Variants in ICA1L observed in about 807,000 individuals in gnomAD.
ICA1L encodes the protein islet cell autoantigen 1 like.
A neutral mutation model predicts 61.3 loss-of-function variants in ICA1L; 50 were observed. The observed-to-expected ratio is 0.82, with a 90% CI of 0.65 to 1.03. ICA1L has a LOEUF of 1.03. Ranked by LOEUF, ICA1L falls within the 50% of genes least tolerant of loss-of-function variation. The probability of loss-of-function intolerance (pLI) is 0.00; values close to 1 mark genes in which losing one functional copy is unlikely to be tolerated. For synonymous variants in ICA1L, 161 were observed against 191.3 expected (o/e 0.84, Z 1.31); for missense variants, 508 against 556.7 (o/e 0.91, Z 0.88).
At chr2:202,854,548 G>T (rs1694720951) in intron 1 of ICA1L, among the ~76,000 whole-genome samples, 1 of 152,146 alleles carries the variant, frequency 6.6e-6, no homozygotes, top group Admixed American at 6.5e-5. Flanking sequence ...GGACCTAATA[G>T]ACATCTACAG....
At position 202,776,461 on chromosome 2, in the gene ICA1L, A is replaced by AT. The variant is rs747951653; in HGVS notation, c.*3071dup. On this transcript the variant is annotated 3_prime_UTR_variant, in exon 13 of 13. Transcript: ENST00000358299. ...AATTAATTTACTTCTTATTGAATGG[A>AT]TTATCTAGATTGAGACAAAAAGCAA... is the stretch of plus-strand genomic sequence containing the variant. 3 of 152,186 alleles carry AT rather than the reference A, an allele frequency of 2.0e-5. No individual in the cohort carries two copies. Among genetic ancestry groups the AT allele is most frequent in the Non-Finnish European group, 2.9e-5 (2 of 68,036 alleles). 9.4% of individuals were successfully genotyped at this position (152,186 alleles called of 1,614,324 possible). A position where few individuals can be genotyped will look rare whatever the true frequency, so the allele number is the denominator to read the frequency against.
chr2:202,832,410 T>G (rs928177552), intron 1 of ICA1L, among the ~76,000 whole-genome samples: 1 of 129,714 alleles, frequency 7.7e-6, no homozygotes, highest in Non-Finnish European at 1.5e-5. Flanking sequence ...CACTCCAGCC[T>G]GGTCGACAGA....
intron 1 of ICA1L, chr2:202,871,000 A>G (rs1313679636): frequency 1.3e-5 from 2 of 152,230 alleles, no homozygotes; most frequent in Non-Finnish European, 2.9e-5. Flanking sequence ...TTGCCGGCCT[A>G]AGGAGCAGGA....
Position 202,809,892 on chromosome 2 carries a change from G to A in ICA1L, c.910+1854C>T, listed in dbSNP as rs182462555. On this transcript the variant is annotated intron_variant, in intron 9 of 12. Transcript: ENST00000358299. The stretch of plus-strand genomic sequence containing the variant: ...TATAAGAGTTATTGGCTTTAAAGAG[G>A]AGGTAGAGAAAGAGATGGGGTAGAA... 1.5e-3 allele frequency among the ~76,000 whole-genome samples: 221 copies of A among 152,296 alleles called. 1 individual carries two copies. Among genetic ancestry groups the A allele is most frequent in the African/African-American group, 5.2e-3 (215 of 41,568 alleles).
Position 202,821,357 on chromosome 2 carries a change from C to T in ICA1L, c.359+1G>A. 1.9e-6 allele frequency: 3 copies of T among 1,612,962 alleles called. No homozygotes were observed. In the South Asian group the frequency reaches 3.3e-5, roughly 18 times the overall value. ...CAAGATAATGAACAACCATGGTAAA[C>T]CTTTGCTTGGCTGAAGAACAAAGTG... On this transcript the variant is annotated splice_donor_variant, in intron 4 of 12. Transcript: ENST00000358299. LOFTEE classifies it high-confidence loss of function.
At chr2:202,846,484 G>T (rs964315425) in intron 1 of ICA1L, among the ~76,000 whole-genome samples, 90 of 152,078 alleles carry the variant, frequency 5.9e-4, no homozygotes, top group African/African-American at 2.2e-3. Context: ...AGCTTCAAGT[G>T]GGGGGTTCCC....
rs947657590 is a variant in ICA1L at position 202,786,565 on chromosome 2, A to T, written c.1244-558T>A. 166 of 219,572 alleles carry T rather than the reference A, an allele frequency of 7.6e-4. 1 individual carries two copies. The highest frequency in any genetic ancestry group is 1.3e-3 in the Non-Finnish European group (138 of 110,336). The allele number at this position is 219,572 out of a possible 1,614,324, so 13.6% of individuals were successfully genotyped here. A position where few individuals can be genotyped will look rare whatever the true frequency, so the allele number is the denominator to read the frequency against. On this transcript the variant is annotated intron_variant, in intron 11 of 12. Coordinates refer to ENST00000358299, the MANE Select transcript of ICA1L (RefSeq NM_001288622.3). The stretch of plus-strand genomic sequence containing the variant: ...AGCGAGACTCCGTCTCAAAAAAAAA[A>T]TAATAATAATAATTGAAATGCAAAA...
chr2:202,846,582 G>C (rs941533429), intron 1 of ICA1L, among the ~76,000 whole-genome samples: 7 of 152,056 alleles, frequency 4.6e-5, no homozygotes, highest in Non-Finnish European at 1.0e-4. Context: ...GTCAAAGGAG[G>C]GCAGAAGGTC....
chr2:202,844,999 C>CCAG (rs1171930973), intron 1 of ICA1L, among the ~76,000 whole-genome samples: 5 of 152,176 alleles, frequency 3.3e-5, no homozygotes, highest in Non-Finnish European at 5.9e-5. Flanking sequence ...ATCTTTAAGG[C>CCAG]CAGCAGCATA....
At chr2:202,846,583 G>A (rs1694469885) in intron 1 of ICA1L, among the ~76,000 whole-genome samples, 1 of 152,100 alleles carries the variant, frequency 6.6e-6, no homozygotes, top group African/African-American at 2.4e-5. Flanking sequence ...TCAAAGGAGG[G>A]CAGAAGGTCA....
chr2:202,807,776 G>C (rs907087048), intron 9 of ICA1L, among the ~76,000 whole-genome samples: 26 of 152,112 alleles, frequency 1.7e-4, no homozygotes, highest in African/African-American at 5.8e-4. Flanking sequence ...TTGGATACCA[G>C]CTCAGCCACA....
intron 1 of ICA1L, among the ~76,000 whole-genome samples, chr2:202,864,652 T>C (rs1687433190): frequency 6.6e-6 from 1 of 152,064 alleles, no homozygotes; most frequent in East Asian, 1.9e-4. Context: ...TGTGTGTATA[T>C]ATATATATGG....
At chr2:202,825,629 C>T in intron 3 of ICA1L, 66 bp downstream of exon 3, 1 of 1,341,354 alleles carries the variant, frequency 7.5e-7, no homozygotes. Context: ...TTAAATCTTT[C>T]ATTTTAAAAA....
In ICA1L at chr2:202,789,717, A is replaced by G. The variant is rs531026987; in HGVS notation, c.986-630T>C. On this transcript the variant is annotated intron_variant, in intron 10 of 12. Transcript: ENST00000358299. ...AAACCTTCTACCAAACAACGTTGAA[A>G]AGGGAATGGACTTTCGGAAAAATAA... is the stretch of plus-strand genomic sequence containing the variant. 6.6e-5 allele frequency among the ~76,000 whole-genome samples: 10 copies of G among 152,342 alleles called. No individual in the cohort carries two copies. In the East Asian group the frequency reaches 1.9e-3, roughly 29 times the overall value.
At position 202,842,950 on chromosome 2, in the gene ICA1L, A is replaced by G. The variant is rs140933699; in HGVS notation, c.-7-13934T>C. On this transcript the variant is annotated intron_variant, in intron 1 of 12. Transcript: ENST00000358299. ...TCTCTACTGCATTTTTTAGTTCATT[A>G]ATTGTATTTTTCAGCTCCAGAATTT... 5.9e-5 allele frequency among the ~76,000 whole-genome samples: 9 copies of G among 152,152 alleles called. No individual in the cohort carries two copies. In the East Asian group the frequency reaches 1.7e-3, roughly 29 times the overall value.
At position 202,788,748 on chromosome 2, in the gene ICA1L, G is replaced by C. The variant is rs565913053; in HGVS notation, c.1243+82C>G. ...GACATTAAAATCAATCTGCTTGTTGGTTCTAGCATCAATAAGCACACCATT... is the reference window on the plus strand; with the variant it reads ...GACATTAAAATCAATCTGCTTGTTGCTTCTAGCATCAATAAGCACACCATT... On this transcript the variant is annotated intron_variant, in intron 11 of 12. Coordinates refer to ENST00000358299, the MANE Select transcript of ICA1L (RefSeq NM_001288622.3). The C allele has an allele frequency of 5.0e-6, 7 of 1,400,784 alleles. No individual in the cohort carries two copies. The African/African-American group carries it at 1.0e-4, about 20-fold the overall frequency. The allele number at this position is 1,400,784 out of a possible 1,614,324, so 86.8% of individuals were successfully genotyped here.
At chr2:202,842,814 G>A (rs1008034384) in intron 1 of ICA1L, among the ~76,000 whole-genome samples, 1 of 152,034 alleles carries the variant, frequency 6.6e-6, no homozygotes, top group African/African-American at 2.4e-5. Context: ...AATCTTATAA[G>A]CTTTAAATCT....
At chr2:202,859,689 A>G (rs75637779) in intron 1 of ICA1L, among the ~76,000 whole-genome samples, 9,512 of 152,290 alleles carry the variant, frequency 0.062, 386 homozygotes, top group East Asian at 0.091. Context: ...TGAAAGGACT[A>G]GATCTTAATA....
intron 9 of ICA1L, among the ~76,000 whole-genome samples, chr2:202,810,274 T>G (rs1199342573): frequency 6.6e-6 from 1 of 152,208 alleles, no homozygotes; most frequent in Non-Finnish European, 1.5e-5. Context: ...TTGTGGGAAG[T>G]CAGGGACCCC....
Sources: gnomAD v4.1 joint callset for allele counts (sites outside exome capture counted in the v4.1 genomes callset) on GRCh38, gnomAD v4.1.1 for gene constraint, MANE v1.5 for transcripts, NCBI Gene and HGNC (gene_info 2026-07-23, HGNC 2026-07-21) for gene names.